The following PDE10A variants were observed in gnomAD, a reference collection of about 807,000 sequenced individuals.
PDE10A encodes cAMP and cAMP-inhibited cGMP 3',5'-cyclic phosphodiesterase 10A.
PDE10A carries 39 observed loss-of-function variants against 97.7 expected under a neutral mutation model. The observed-to-expected ratio is 0.40, with a 90% CI of 0.31 to 0.52. The LOEUF is 0.52. Ranked by LOEUF, PDE10A falls within the 20% of genes least tolerant of loss-of-function variation. The pLI, the probability that PDE10A is intolerant of heterozygous loss-of-function variation, is 0.56. For synonymous variants in PDE10A, 371 were observed against 376.8 expected (o/e 0.98, Z 0.18); for missense variants, 731 against 1,047.8 (o/e 0.70, Z 4.17).
chr6:165,630,682 T>C (rs1016541191), intron 1 of PDE10A, among the ~76,000 whole-genome samples: 21 of 152,126 alleles, frequency 1.4e-4, no homozygotes, highest in Middle Eastern at 3.4e-3. Context: ...AAAAGAAAAA[T>C]ATTTGCACTG....
intron 1 of PDE10A, among the ~76,000 whole-genome samples, chr6:165,745,442 G>A (rs1299560831): frequency 6.6e-6 from 1 of 152,114 alleles, no homozygotes; most frequent in Admixed American, 6.5e-5. Context: ...AAAACTATCA[G>A]TTCTGATACT....
chr6:165,427,802 T>C (rs1464495877), intron 10 of PDE10A, among the ~76,000 whole-genome samples: 3 of 152,144 alleles, frequency 2.0e-5, no homozygotes, highest in Non-Finnish European at 4.4e-5. Context: ...ACAAATTCCT[T>C]CAGTTGTTTC....
rs1220838622 is a variant in PDE10A, at chr6:165,842,896, C to T, written c.-615+144633G>A. 3.9e-5 allele frequency among the ~76,000 whole-genome samples: 6 copies of T among 152,226 alleles called. No homozygotes were observed. In the South Asian group the frequency reaches 6.2e-4, roughly 16 times the overall value. ...CCCTGAGTTAGCCTCGGACTAACCT[C>T]GCACAGTTTATTCCACTTCCTCAAT... On this transcript the variant is annotated intron_variant, in intron 1 of 19. Coordinates refer to the PDE10A transcript ENST00000366882.
intron 1 of PDE10A, among the ~76,000 whole-genome samples, chr6:165,901,664 T>C (rs1027840567): frequency 3.3e-5 from 5 of 152,162 alleles, no homozygotes; most frequent in African/African-American, 1.2e-4. Context: ...TAGCCACGCA[T>C]GGTGGCACAT....
At chr6:165,486,543 A>T (rs1779933998) in intron 2 of PDE10A, among the ~76,000 whole-genome samples, 1 of 152,234 alleles carries the variant, frequency 6.6e-6, no homozygotes, top group African/African-American at 2.4e-5. Context: ...GTTCAGCAGA[A>T]TGTGATTAAA....
Position 165,470,792 on chromosome 6 carries a change from ACT to A in PDE10A, c.1023+11521_1023+11522del, listed in dbSNP as rs575790367. The stretch of plus-strand genomic sequence containing the variant: ...ACAGGGCCTCTCTAAGCCCTTAAAG[ACT>A]CTGTTTAGACCATCCTCCCCTCTCT... On this transcript the variant is annotated intron_variant, in intron 3 of 21. Coordinates refer to ENST00000539869, the MANE Select transcript of PDE10A (RefSeq NM_001385079.1). Among the ~76,000 whole-genome samples the A allele has an allele frequency of 3.6e-3, 540 of 149,558 alleles. 5 individuals are homozygous for A. The highest frequency in any genetic ancestry group is 0.013 in the African/African-American group (520 of 40,256).
rs1781123913 is a variant in PDE10A, at chr6:165,327,726, T to A, written c.*5299A>T. On this transcript the variant is annotated 3_prime_UTR_variant, in exon 22 of 22. Transcript: ENST00000539869. ...TTGTCATACATATAAAATCATTTTT[T>A]AAAATTTACTAACATCAACTATGAT... The A allele has an allele frequency of 1.3e-5, 2 of 152,358 alleles. No homozygotes were observed. The highest frequency in any genetic ancestry group is 3.4e-3 in the Middle Eastern group (1 of 294). The allele number at this position is 152,358 out of a possible 1,614,324, so 9.4% of individuals were successfully genotyped here.
At chr6:165,895,535 C>G (rs941932138) in intron 1 of PDE10A, among the ~76,000 whole-genome samples, 4 of 152,208 alleles carry the variant, frequency 2.6e-5, no homozygotes, top group Non-Finnish European at 5.9e-5. Context: ...TTTAAGCCAC[C>G]TGGCTGTGGC....
chr6:165,448,381 A>C (rs555733456), intron 5 of PDE10A, among the ~76,000 whole-genome samples: 19 of 152,198 alleles, frequency 1.2e-4, no homozygotes, highest in Non-Finnish European at 2.2e-4. Flanking sequence ...CCAGAAACGC[A>C]GGATCCGGCC....
intron 1 of PDE10A, among the ~76,000 whole-genome samples, chr6:165,900,071 C>A (rs1346205350): frequency 1.3e-5 from 2 of 152,204 alleles, no homozygotes; most frequent in Non-Finnish European, 2.9e-5. Context: ...TGGTGCCCTG[C>A]AGCCCCTTGC....
At chr6:165,943,911 C>A (rs751775249) in intron 1 of PDE10A, among the ~76,000 whole-genome samples, 2 of 152,190 alleles carry the variant, frequency 1.3e-5, no homozygotes, top group South Asian at 4.1e-4. Flanking sequence ...TGCCACCAAC[C>A]GGCTGCACAG....
intron 1 of PDE10A, among the ~76,000 whole-genome samples, chr6:165,848,859 G>T (rs889045571): frequency 6.6e-6 from 1 of 152,164 alleles, no homozygotes; most frequent in Non-Finnish European, 1.5e-5. Flanking sequence ...TCTGATGAGG[G>T]CAAGGTGGGG....
At chr6:165,616,069 T>C (rs1787713226) in intron 1 of PDE10A, among the ~76,000 whole-genome samples, 1 of 152,216 alleles carries the variant, frequency 6.6e-6, no homozygotes, top group Admixed American at 6.5e-5. Context: ...CAGTAAGTTG[T>C]TTCAACCTAA....
At position 165,414,403 on chromosome 6, in the gene PDE10A, G is replaced by A. The variant is rs141904498; in HGVS notation, c.1890-716C>T. On this transcript the variant is annotated intron_variant, in intron 12 of 21. Coordinates refer to ENST00000539869, the MANE Select transcript of PDE10A (RefSeq NM_001385079.1). Reference sequence around the variant, plus strand: ...GCATAGAAACAGTGACATAGCTAACGGTAGGTAGTTACATGGGAGTCTTCA... The same window carrying A: ...GCATAGAAACAGTGACATAGCTAACAGTAGGTAGTTACATGGGAGTCTTCA... Among the ~76,000 whole-genome samples, 34 of 152,268 alleles carry A rather than the reference G, an allele frequency of 2.2e-4. No homozygotes were observed. The East Asian group carries it at 6.2e-3, about 28-fold the overall frequency.
intron 13 of PDE10A, among the ~76,000 whole-genome samples, chr6:165,403,817 A>G (rs923752891): frequency 6.6e-6 from 1 of 152,168 alleles, no homozygotes; most frequent in Non-Finnish European, 1.5e-5. Context: ...AGTGAGTCAG[A>G]CGTGTGATAT....
chr6:165,644,283 G>C (rs750390545), intron 1 of PDE10A, among the ~76,000 whole-genome samples: 1 of 152,132 alleles, frequency 6.6e-6, no homozygotes. Context: ...GGATGGTCTC[G>C]ATCTCCTGAC....
chr6:165,858,493 C>T (rs78495018), intron 1 of PDE10A, among the ~76,000 whole-genome samples: 8,125 of 152,278 alleles, frequency 0.053, 300 homozygotes, highest in Non-Finnish European at 0.076. Context: ...GTTGCAGCAA[C>T]GGTTTCACCT....
At chr6:165,355,208 T>A (rs1001993679) in intron 18 of PDE10A, among the ~76,000 whole-genome samples, 7 of 152,158 alleles carry the variant, frequency 4.6e-5, no homozygotes, top group African/African-American at 1.7e-4. Flanking sequence ...TAGATCATAC[T>A]TTTTTTATAC....
intron 1 of PDE10A, among the ~76,000 whole-genome samples, chr6:165,955,066 C>T (rs1232194290): frequency 3.3e-5 from 5 of 152,080 alleles, no homozygotes; most frequent in South Asian, 2.1e-4. Context: ...TGAGAATGGT[C>T]GCCGTTTCCG....
Sources: gnomAD v4.1 joint callset for allele counts (sites outside exome capture counted in the v4.1 genomes callset) on GRCh38, gnomAD v4.1.1 for gene constraint, MANE v1.5 for transcripts, NCBI Gene and HGNC (gene_info 2026-07-23, HGNC 2026-07-21) for gene names.